The following HRH1 variants were observed in gnomAD, a reference collection of about 807,000 sequenced individuals.
The protein encoded by HRH1 is histamine H1 receptor.
A neutral mutation model predicts 10.3 loss-of-function variants in HRH1; 6 were observed. That is an observed-to-expected ratio of 0.58 (90% CI 0.32 to 1.15). The LOEUF (loss-of-function observed/expected upper bound fraction) is 1.15, where lower values mean the gene tolerates loss of function less well. Ranked by LOEUF, HRH1 falls within the 50% of genes most tolerant of loss-of-function variation. The pLI is 0.05. For synonymous variants in HRH1, 242 were observed against 236.7 expected, an observed-to-expected ratio of 1.02 and a Z score of -0.21; for missense variants, 514 against 615.3, an observed-to-expected ratio of 0.84 and a Z score of 1.74.
At chr3:11,141,136 C>G (rs1378243406) in intron 1 of HRH1, among the ~76,000 whole-genome samples, 1 of 152,160 alleles carries the variant, frequency 6.6e-6, no homozygotes, top group Non-Finnish European at 1.5e-5. Flanking sequence ...TTCTGTCTCT[C>G]AGATCTGACC....
chr3:11,251,405 C>CAGTATAAAT (rs1376233960), intron 1 of HRH1, among the ~76,000 whole-genome samples: 27 of 152,298 alleles, frequency 1.8e-4, no homozygotes, highest in Admixed American at 5.2e-4. Context: ...TACGTGGAGT[C>CAGTATAAAT]AGTATAAATA....
At chr3:11,235,004 A>G (rs1181151746) in intron 1 of HRH1, among the ~76,000 whole-genome samples, 2 of 152,080 alleles carry the variant, frequency 1.3e-5, no homozygotes. Flanking sequence ...TCACGAGGTC[A>G]GGAGATCGAG....
At chr3:11,138,130 C>T (rs1268789478) in intron 1 of HRH1, among the ~76,000 whole-genome samples, 1 of 151,918 alleles carries the variant, frequency 6.6e-6, no homozygotes, top group South Asian at 2.1e-4. Flanking sequence ...ATTCTCCTGC[C>T]TCAGTCTCCC....
At chr3:11,142,787 G>A (rs1936317279) in intron 1 of HRH1, among the ~76,000 whole-genome samples, 1 of 152,152 alleles carries the variant, frequency 6.6e-6, no homozygotes, top group Non-Finnish European at 1.5e-5. Context: ...GGTGGCAGGT[G>A]CCTGTAATCC....
intron 1 of HRH1, among the ~76,000 whole-genome samples, chr3:11,255,357 C>T (rs886793326): frequency 4.6e-5 from 7 of 152,182 alleles, no homozygotes; most frequent in African/African-American, 1.2e-4. Flanking sequence ...CCTCTGGAGG[C>T]CAGGGAGCTG....
chr3:11,214,396 G>A (rs1017430221), intron 1 of HRH1, among the ~76,000 whole-genome samples: 1 of 152,180 alleles, frequency 6.6e-6, no homozygotes. Context: ...CTGGTATTGA[G>A]GTCACCTGCA....
chr3:11,247,475 G>C (rs539468005), intron 1 of HRH1, among the ~76,000 whole-genome samples: 1 of 152,150 alleles, frequency 6.6e-6, no homozygotes, highest in African/African-American at 2.4e-5. Flanking sequence ...CCCAATCTAA[G>C]CTAATTCGAT....
At chr3:11,238,533 A>G (rs1490335230) in intron 1 of HRH1, among the ~76,000 whole-genome samples, 4 of 152,230 alleles carry the variant, frequency 2.6e-5, no homozygotes, top group Non-Finnish European at 5.9e-5. Flanking sequence ...AAAATTTTAA[A>G]AACAACTTGA....
intron 1 of HRH1, among the ~76,000 whole-genome samples, chr3:11,215,145 G>A (rs1575018264): frequency 6.6e-6 from 1 of 152,308 alleles, no homozygotes; most frequent in East Asian, 1.9e-4. Context: ...CCCTCCAAGA[G>A]GTGGTGTCCC....
intron 1 of HRH1, among the ~76,000 whole-genome samples, chr3:11,195,272 T>A (rs1937619732): frequency 6.6e-6 from 1 of 152,212 alleles, no homozygotes; most frequent in South Asian, 2.1e-4. Flanking sequence ...TCTGCAAAGT[T>A]GTTTTCCTTT....
intron 1 of HRH1, among the ~76,000 whole-genome samples, chr3:11,245,253 C>T (rs1425360896): frequency 6.6e-6 from 1 of 151,994 alleles, no homozygotes; most frequent in Non-Finnish European, 1.5e-5. Context: ...CTCAGGAGGC[C>T]GAGGCAGGGG....
Position 11,259,853 on chromosome 3 carries a change from C to T in HRH1, c.816C>T (p.Val272=). Residue 272 remains valine, a synonymous_variant, in exon 2 of 2, where the codon GTC becomes GTT. Transcript: ENST00000431010. This position sits in a 1 kb window ranked among gnomAD's most constrained non-coding sequence, Gnocchi z 4.6. ...CAAAAGATGCTGGTGGTGGATCTGT[C>T]TTGAAGTCACCATCCCAAACCCCCA... ...RKPKDAGGGS[V]LKSPSQTPKE... is the part of the protein sequence containing the mutation. The T allele has an allele frequency of 6.2e-7, 1 of 1,614,092 alleles. No homozygotes were observed. The highest frequency in any genetic ancestry group is 1.1e-5 in the South Asian group (1 of 91,070).
At chr3:11,211,010 C>T (rs1178258063) in intron 1 of HRH1, among the ~76,000 whole-genome samples, 1 of 152,184 alleles carries the variant, frequency 6.6e-6, no homozygotes. Flanking sequence ...CAGTGTTGAA[C>T]ATGACAACGT....
chr3:11,142,963 A>G (rs529920474), intron 1 of HRH1, among the ~76,000 whole-genome samples: 4 of 152,252 alleles, frequency 2.6e-5, no homozygotes, highest in Non-Finnish European at 4.4e-5. Context: ...GGCAAGATCT[A>G]AGGGATGAGT....
At chr3:11,258,310 A>C (rs1175464752) in intron 1 of HRH1, among the ~76,000 whole-genome samples, 1 of 151,976 alleles carries the variant, frequency 6.6e-6, no homozygotes. Flanking sequence ...TCCCATAATA[A>C]TAAGTCTGGG....
intron 1 of HRH1, among the ~76,000 whole-genome samples, chr3:11,238,591 C>A (rs1469574852): frequency 6.6e-6 from 1 of 152,186 alleles, no homozygotes; most frequent in African/African-American, 2.4e-5. Flanking sequence ...CTAAGTGAAT[C>A]ATACAATTCA....
chr3:11,169,671 C>T (rs1172380641), intron 1 of HRH1, among the ~76,000 whole-genome samples: 1 of 152,190 alleles, frequency 6.6e-6, no homozygotes, highest in East Asian at 1.9e-4. Flanking sequence ...ACCCTTCTCT[C>T]TGCACTCTTC....
chr3:11,183,690 G>A (rs754040013), intron 1 of HRH1, among the ~76,000 whole-genome samples: 9 of 151,496 alleles, frequency 5.9e-5, no homozygotes, highest in East Asian at 3.9e-4. Context: ...TTTTTGTGCC[G>A]TTTGCCTTTC....
At chr3:11,223,918 T>C (rs1040375445) in intron 1 of HRH1, among the ~76,000 whole-genome samples, 2 of 152,106 alleles carry the variant, frequency 1.3e-5, no homozygotes, top group African/African-American at 2.4e-5. Flanking sequence ...CCCTGAAGAC[T>C]GGGCCCTTCT....
Sources: allele counts gnomAD v4.1 joint callset (sites outside exome capture counted in the v4.1 genomes callset), GRCh38; gene constraint gnomAD v4.1.1; non-coding constraint Gnocchi (gnomAD v3.1); transcripts MANE v1.5; gene names NCBI Gene and HGNC (gene_info 2026-07-23, HGNC 2026-07-21).